Variants in SPOCD1 observed in about 807,000 individuals in gnomAD.
SPOCD1 encodes SPOC domain containing 1, also known as SPOC domain-containing protein 1.
A neutral mutation model predicts 92.2 loss-of-function variants in SPOCD1; 64 were observed. The observed-to-expected ratio is 0.69, with a 90% CI of 0.57 to 0.86. The LOEUF is 0.86. Among genes scored for constraint, SPOCD1 ranks in the 40% least tolerant of loss-of-function variants. The probability of loss-of-function intolerance (pLI) is 0.00; values close to 1 mark genes in which losing one functional copy is unlikely to be tolerated. For missense variants in SPOCD1, 1,360 were observed against 1,543.1 expected (o/e 0.88, Z 1.99); for synonymous variants, 578 against 619.3 (o/e 0.93, Z 0.99).
chr1:31,800,149 C>A lies in SPOCD1; in HGVS notation c.1603-8G>T. 6.3e-7 allele frequency: 1 copy of A among 1,592,544 alleles called. No homozygotes were observed. The highest frequency in any genetic ancestry group is 1.8e-5 in the Admixed American group (1 of 54,614). On this transcript the variant is annotated splice_region_variant and splice_polypyrimidine_tract_variant and intron_variant, in intron 4 of 15. Transcript: ENST00000360482. ...AGGAGAAGGCTGGAAAACCTTGGGG[C>A]AGGGAGCAGACAAGCTATTGGCCGG...
rs770227217 is a variant in SPOCD1 at position 31,792,314 on chromosome 1, G to A, written c.2863C>T (p.Arg955Cys). The change falls in exon 15 of 16, where the codon CGC becomes TGC. Residue 955 changes from arginine (R) to cysteine (C), a missense_variant. By Grantham distance (180) the Arg-to-Cys change is radical. Transcript: ENST00000360482. ...LLYSYLNDRQ[R>C]HGLASVEHMG... ...TGCTCCACAGAGGCCAGCCCGTGGC[G>A]CTGCCTATCATTGAGGTATGAGTAG... 1.7e-5 allele frequency: 28 copies of A among 1,613,930 alleles called. No homozygotes were observed. Among genetic ancestry groups the A allele is most frequent in the East Asian group, 4.5e-5 (2 of 44,878 alleles).
intron 13 of SPOCD1, among the ~76,000 whole-genome samples, 181 bp downstream of exon 13, chr1:31,793,095 CCT>C (rs897291825): frequency 6.6e-6 from 1 of 152,224 alleles, no homozygotes; most frequent in Non-Finnish European, 1.5e-5. Context: ...AGTCCTTCAC[CCT>C]GTTTGTCTCT....
At chr1:31,810,288 A>C (rs1318668845) in intron 2 of SPOCD1, among the ~76,000 whole-genome samples, 1 of 151,672 alleles carries the variant, frequency 6.6e-6, no homozygotes, top group Non-Finnish European at 1.5e-5. Flanking sequence ...ATGTGGCCTG[A>C]GTGAGTCACT....
rs774495238 is a variant in SPOCD1, at chr1:31,791,186, G to C, written c.3068C>G (p.Thr1023Arg). 11 of 1,611,666 alleles carry C rather than the reference G, an allele frequency of 6.8e-6. No individual in the cohort carries two copies. The East Asian group carries it at 1.6e-4, about 23-fold the overall frequency. Residue 1023 changes from threonine to arginine, a missense_variant, in exon 16 of 16, where the codon ACA (threonine) becomes AGA (arginine). This residue lies in a region of SPOCD1 where 614 missense variants were observed against 757.8 expected (regional missense o/e 0.81). Coordinates refer to ENST00000360482, the MANE Select transcript of SPOCD1 (RefSeq NM_144569.7). ...CCCCAACCAGGGGCTGGACCCTGCTGTGTCTGGAAGCCCTTCCTTGGGGAG... is the reference window on the plus strand; with the variant it reads ...CCCCAACCAGGGGCTGGACCCTGCTCTGTCTGGAAGCCCTTCCTTGGGGAG... ...VLLPKEGLPD[T>R]AGSSPWLGKV...
chr1:31,809,281 T>C (rs565268501), intron 2 of SPOCD1, among the ~76,000 whole-genome samples: 1 of 152,282 alleles, frequency 6.6e-6, no homozygotes, highest in African/African-American at 2.4e-5. Flanking sequence ...TATCTCCATT[T>C]CAGCAAAAAA....
At position 31,804,473 on chromosome 1, in the gene SPOCD1, G is replaced by C. The variant is rs568605924; in HGVS notation, c.1384-2768C>G. Reference sequence around the variant, plus strand: ...ACTTTCTCAATAGTAATAATGAAAAGCAAAACATAAAAAAATAATATTTTC... The same window carrying C: ...ACTTTCTCAATAGTAATAATGAAAACCAAAACATAAAAAAATAATATTTTC... On this transcript the variant is annotated intron_variant, in intron 2 of 15. Coordinates refer to ENST00000360482, the MANE Select transcript of SPOCD1 (RefSeq NM_144569.7). Among the ~76,000 whole-genome samples, 103 of 152,194 alleles carry C rather than the reference G, an allele frequency of 6.8e-4. 1 individual carries two copies. Among genetic ancestry groups the C allele is most frequent in the African/African-American group, 2.4e-3 (100 of 41,542 alleles).
At chr1:31,803,014 CAAAG>C (rs1371375404) in intron 2 of SPOCD1, among the ~76,000 whole-genome samples, 1 of 60,100 alleles carries the variant, frequency 1.7e-5, no homozygotes, top group Non-Finnish European at 3.8e-5. Flanking sequence ...AAAAAAAAAA[CAAAG>C]AAAACAGGGG....
At chr1:31,800,690 CTGT>C in intron 3 of SPOCD1, 73 bp from the exon 4 acceptor site, 4 of 1,328,590 alleles carry the variant, frequency 3.0e-6, no homozygotes, top group Non-Finnish European at 4.1e-6. Context: ...CTCGCCTCAT[CTGT>C]AATTGTTGAA....
chr1:31,813,915 G>A, intron 2 of SPOCD1, 36 bp downstream of exon 2: 26 of 1,456,080 alleles, frequency 1.8e-5, no homozygotes, highest in Non-Finnish European at 2.4e-5. Context: ...AACATGGCCA[G>A]GCCCTTCCTA....
At chr1:31,801,588 T>A (rs1243608429) in intron 3 of SPOCD1, 76 bp downstream of exon 3, 1 of 1,363,932 alleles carries the variant, frequency 7.3e-7, no homozygotes, top group African/African-American at 1.4e-5. Context: ...CCACATCTAC[T>A]GTGGAGGAGC....
chr1:31,808,380 T>G (rs1438299538), intron 2 of SPOCD1, among the ~76,000 whole-genome samples: 1 of 151,408 alleles, frequency 6.6e-6, no homozygotes, highest in Non-Finnish European at 1.5e-5. Flanking sequence ...CGTTAATAAA[T>G]TCGAAGATAA....
chr1:31,796,385 A>G (rs1210943534), intron 10 of SPOCD1: 5 of 760,346 alleles, frequency 6.6e-6, no homozygotes, highest in African/African-American at 5.2e-5. Context: ...ACCGACAGTG[A>G]CAAGGCGCTG....
chr1:31,796,949 C>T (rs907998523), intron 9 of SPOCD1, among the ~76,000 whole-genome samples: 2 of 152,196 alleles, frequency 1.3e-5, no homozygotes, highest in African/African-American at 2.4e-5. Context: ...TCCCGGATTT[C>T]GCTTTCACTC....
At position 31,798,351 on chromosome 1, in the gene SPOCD1, C is replaced by T. The variant is rs762421614; in HGVS notation, c.2029-28G>A. The T allele has an allele frequency of 7.5e-6, 12 of 1,603,618 alleles. No homozygotes were observed. The Admixed American group carries it at 1.0e-4, about 13-fold the overall frequency. ...GGTGGGGGCAGGGGGCAGGGCTGCA[C>T]CACACGCTGAAAGAGCTCCCCCACC... On this transcript the variant is annotated intron_variant, in intron 8 of 15. Transcript: ENST00000360482. This position sits in a 1 kb window ranked among gnomAD's most constrained non-coding sequence, Gnocchi z 4.1.
At chr1:31,806,655 C>A (rs1648839335) in intron 2 of SPOCD1, among the ~76,000 whole-genome samples, 1 of 151,780 alleles carries the variant, frequency 6.6e-6, no homozygotes, top group Non-Finnish European at 1.5e-5. Flanking sequence ...AAGCGATTCT[C>A]CTGCCTCAGC....
chr1:31,793,428 C>G lies in SPOCD1; in HGVS notation c.2535G>C (p.Arg845Ser). ...GCACATGGAGCCCAGATGGAGGGAC[C>G]CTAGAGGGAGGGACAGAAGACAGGG... ...RELSPTEPQDRVPPSGLHVPA... is the reference protein window; with the variant it reads ...RELSPTEPQDSVPPSGLHVPA... Residue 845 changes from arginine (R) to serine (S), a missense_variant and splice_region_variant, in exon 13 of 16, where the codon AGG becomes AGC. By Grantham distance (110) the Arg-to-Ser change is moderately radical. Transcript: ENST00000360482. 6.3e-7 allele frequency: 1 copy of G among 1,587,340 alleles called. No homozygotes were observed. The highest frequency in any genetic ancestry group is 1.1e-5 in the South Asian group (1 of 87,126).
chr1:31,793,890 C>T lies in SPOCD1; in HGVS notation c.2391G>A (p.Glu797=). Residue 797 remains glutamate (E), a synonymous_variant, in exon 12 of 16, where the codon GAG becomes GAA. Coordinates refer to ENST00000360482, the MANE Select transcript of SPOCD1 (RefSeq NM_144569.7). ...DPNCHICKDW[E]PSNELLGSFE... ...AGGAGCCTAGCAGCTCATTCGAGGG[C>T]TCCCAGTCTGCAAATAGCAGAGGCA... The T allele has an allele frequency of 6.2e-7, 1 of 1,610,774 alleles. No individual in the cohort carries two copies. Among genetic ancestry groups the T allele is most frequent in the East Asian group, 2.2e-5 (1 of 44,808 alleles).
chr1:31,797,329 C>T (rs1265186263), intron 9 of SPOCD1, among the ~76,000 whole-genome samples: 3 of 152,224 alleles, frequency 2.0e-5, no homozygotes, highest in African/African-American at 4.8e-5. Context: ...GGATCAGCCT[C>T]GTGGGCATGA....
chr1:31,815,437 G>C (rs1277148539), intron 1 of SPOCD1, 65 bp from the exon 2 acceptor site: 2 of 1,179,278 alleles, frequency 1.7e-6, no homozygotes, highest in Non-Finnish European at 2.3e-6. Flanking sequence ...CGTTCAGTGG[G>C]AACTGGGAGG....
Sources: allele counts gnomAD v4.1 joint callset (sites outside exome capture counted in the v4.1 genomes callset), GRCh38; gene constraint gnomAD v4.1.1; regional missense constraint gnomAD v4.1.1; non-coding constraint Gnocchi (gnomAD v3.1); transcripts MANE v1.5; gene names NCBI Gene and HGNC (gene_info 2026-07-23, HGNC 2026-07-21).